SCHIP1: variants seen among roughly 807,000 people sequenced by gnomAD.
SCHIP1 encodes the protein schwannomin-interacting protein 1.
A neutral mutation model predicts 29.7 loss-of-function variants in SCHIP1; 8 were observed. The ratio of observed to expected loss-of-function variants is 0.27; its 90% CI spans 0.16 to 0.49. SCHIP1 has a LOEUF of 0.49. Ranked by LOEUF, SCHIP1 falls within the 20% of genes least tolerant of loss-of-function variation. SCHIP1 has a pLI of 0.99. For synonymous variants in SCHIP1, 76 were observed against 94.9 expected, an observed-to-expected ratio of 0.80 and a Z score of 1.16; for missense variants, 193 against 294.6, an observed-to-expected ratio of 0.66 and a Z score of 2.52.
chr3:159,639,245 GTCC>G, the SCHIP1 span, among the ~76,000 whole-genome samples: 2 of 152,034 alleles, frequency 1.3e-5, 1 homozygote. Flanking sequence ...CTCACCCTTA[GTCC>G]TCATTTTTCT....
the SCHIP1 span, among the ~76,000 whole-genome samples, chr3:159,546,652 T>G: frequency 3.9e-5 from 6 of 152,338 alleles, no homozygotes; most frequent in East Asian, 1.9e-4. Flanking sequence ...AACTTCCACT[T>G]ATGAGTGAGA....
chr3:159,749,672 G>T, the SCHIP1 span, among the ~76,000 whole-genome samples: 1 of 152,192 alleles, frequency 6.6e-6, no homozygotes, highest in Non-Finnish European at 1.5e-5. Flanking sequence ...AGAGCAGAAG[G>T]TCACAAGTCA....
At chr3:159,862,520 T>A (rs1714168951) in intron 1 of SCHIP1, among the ~76,000 whole-genome samples, 1 of 152,192 alleles carries the variant, frequency 6.6e-6, no homozygotes, top group Non-Finnish European at 1.5e-5. Flanking sequence ...CCTAGTGAGA[T>A]CCTTTACCTC....
At chr3:159,499,513 C>T in the SCHIP1 span, among the ~76,000 whole-genome samples, 1 of 152,190 alleles carries the variant, frequency 6.6e-6, no homozygotes, top group South Asian at 2.1e-4. Flanking sequence ...GCCAAGTCGA[C>T]TGAGATGATA....
At chr3:159,840,049 G>C in exon 1 of SCHIP1, 1 of 1,484,372 alleles carries the variant, frequency 6.7e-7, no homozygotes, top group Non-Finnish European at 8.9e-7. Flanking sequence ...CAGCGAAACA[G>C]CATCCATTTT....
chr3:159,743,504 A>G, the SCHIP1 span, among the ~76,000 whole-genome samples: 1 of 152,254 alleles, frequency 6.6e-6, no homozygotes, highest in Non-Finnish European at 1.5e-5. Flanking sequence ...GATTCCATTT[A>G]TATAATATGC....
chr3:159,399,479 T>G, the SCHIP1 span, among the ~76,000 whole-genome samples: 3 of 152,204 alleles, frequency 2.0e-5, no homozygotes, highest in African/African-American at 7.2e-5. Context: ...CAATGAGTTC[T>G]CAATAAATAT....
the SCHIP1 span, among the ~76,000 whole-genome samples, chr3:159,420,839 T>C: frequency 2.3e-4 from 35 of 152,310 alleles, no homozygotes; most frequent in African/African-American, 6.3e-4. Context: ...CAGTGGGCAA[T>C]TGGTAACACC....
the SCHIP1 span, among the ~76,000 whole-genome samples, chr3:159,297,804 C>T: frequency 3.9e-5 from 6 of 152,244 alleles, no homozygotes; most frequent in Non-Finnish European, 7.3e-5. Context: ...CTAGTAGCTG[C>T]GCCCTTATCC....
the SCHIP1 span, among the ~76,000 whole-genome samples, chr3:159,345,577 T>A: frequency 0.013 from 1,981 of 151,680 alleles, 39 homozygotes; most frequent in African/African-American, 0.046. Flanking sequence ...TCTCTCTCTC[T>A]CTCACTCACT....
At chr3:159,680,553 ATATATATAATATATGTATAATATATC>A in the SCHIP1 span, among the ~76,000 whole-genome samples, 1 of 117,048 alleles carries the variant, frequency 8.5e-6, no homozygotes, top group Non-Finnish European at 1.7e-5. Flanking sequence ...TATATATATA[ATATATATAATATATGTATAATATATC>A]TATATATAAT....
chr3:159,494,471 A>C, the SCHIP1 span, among the ~76,000 whole-genome samples: 1 of 152,196 alleles, frequency 6.6e-6, no homozygotes, highest in East Asian at 1.9e-4. Context: ...GAATACTATA[A>C]ACACCTCTAC....
chr3:159,713,688 A>T, the SCHIP1 span, among the ~76,000 whole-genome samples: 18 of 152,346 alleles, frequency 1.2e-4, no homozygotes, highest in East Asian at 3.3e-3. Context: ...AGAGAAAGCT[A>T]GAGCCAAGAT....
At chr3:159,308,319 TAAATC>T in the SCHIP1 span, among the ~76,000 whole-genome samples, 2 of 152,020 alleles carry the variant, frequency 1.3e-5, no homozygotes, top group Admixed American at 6.6e-5. Flanking sequence ...ATAGGGAACT[TAAATC>T]AACAAGCAAA....
the SCHIP1 span, among the ~76,000 whole-genome samples, chr3:159,497,251 T>TA: frequency 1.2e-4 from 17 of 145,632 alleles, no homozygotes; most frequent in East Asian, 6.1e-4. Context: ...AGTATAATAA[T>TA]AAAAAAAAAA....
the SCHIP1 span, among the ~76,000 whole-genome samples, chr3:159,792,249 G>A: frequency 0.76 from 116,003 of 152,084 alleles, 45,439 homozygotes; most frequent in East Asian, 0.99. Context: ...TGCCTCAAAG[G>A]TATGGAGGCA....
chr3:159,409,997 T>C, the SCHIP1 span, among the ~76,000 whole-genome samples: 1 of 152,006 alleles, frequency 6.6e-6, no homozygotes, highest in Non-Finnish European at 1.5e-5. Context: ...TCATTTTTGA[T>C]GAAGGTGCCC....
At chr3:159,309,878 CA>C in the SCHIP1 span, among the ~76,000 whole-genome samples, 1 of 152,122 alleles carries the variant, frequency 6.6e-6, no homozygotes, top group Non-Finnish European at 1.5e-5. Flanking sequence ...TATCTGAAGT[CA>C]TTATGATAGA....
At chr3:159,752,691 G>A in the SCHIP1 span, among the ~76,000 whole-genome samples, 42,446 of 151,824 alleles carry the variant, frequency 0.28, 5,994 homozygotes, top group Middle Eastern at 0.35. Context: ...ACTATTACGA[G>A]AACAGCACCA....
Sources: gnomAD v4.1 joint callset for allele counts (sites outside exome capture counted in the v4.1 genomes callset) on GRCh38, gnomAD v4.1.1 for gene constraint, MANE v1.5 for transcripts, NCBI Gene and HGNC (gene_info 2026-07-23, HGNC 2026-07-21) for gene names.